Variants in THSD4 observed in about 807,000 individuals in gnomAD.
The protein encoded by THSD4 is thrombospondin type 1 domain containing 4.
Under a neutral mutation model 119.0 loss-of-function variants are expected in THSD4, and 69 were observed. That is an observed-to-expected ratio of 0.58 (90% confidence interval 0.48 to 0.71). The LOEUF is 0.71. THSD4 is among the 30% of genes least tolerant of loss of function. The probability of loss-of-function intolerance (pLI) is 0.00; values close to 1 mark genes in which losing one functional copy is unlikely to be tolerated. For missense variants in THSD4, 1,393 were observed against 1,391.1 expected, an observed-to-expected ratio of 1.00 and a Z score of -0.02; for synonymous variants, 524 against 540.4, an observed-to-expected ratio of 0.97 and a Z score of 0.42.
chr15:71,550,990 A>C (rs2048917909), intron 7 of THSD4, among the ~76,000 whole-genome samples: 2 of 152,138 alleles, frequency 1.3e-5, no homozygotes, highest in African/African-American at 4.8e-5. Flanking sequence ...CAGATTTTCC[A>C]TTTCTAAGAC....
At chr15:71,192,305 T>C (rs1053324529) in intron 3 of THSD4, among the ~76,000 whole-genome samples, 2 of 152,014 alleles carry the variant, frequency 1.3e-5, no homozygotes, top group African/African-American at 4.8e-5. Context: ...ATTTATTTAT[T>C]GAGATGAAGC....
chr15:71,708,807 C>T (rs1266947593), intron 8 of THSD4, among the ~76,000 whole-genome samples: 1 of 152,206 alleles, frequency 6.6e-6, no homozygotes, highest in Non-Finnish European at 1.5e-5. Context: ...TTTCTGTCAG[C>T]ACTTAAAGTG....
chr15:71,618,208 G>C (rs2140922528), intron 7 of THSD4, among the ~76,000 whole-genome samples: 1 of 152,302 alleles, frequency 6.6e-6, no homozygotes, highest in Middle Eastern at 3.4e-3. Flanking sequence ...ACCTTGTTTA[G>C]ATACAGAAAC....
intron 6 of THSD4, among the ~76,000 whole-genome samples, chr15:71,380,105 C>A (rs1255474299): frequency 2.0e-5 from 3 of 152,048 alleles, no homozygotes; most frequent in Non-Finnish European, 4.4e-5. Context: ...AAGGCAAATT[C>A]CAAAGTTAGG....
At chr15:71,320,995 T>C (rs947761981) in intron 6 of THSD4, among the ~76,000 whole-genome samples, 1 of 152,242 alleles carries the variant, frequency 6.6e-6, no homozygotes, top group African/African-American at 2.4e-5. Flanking sequence ...CAAGATAAGA[T>C]TCGTTTTGAA....
chr15:71,377,867 AACAC>A (rs376497737), intron 6 of THSD4, among the ~76,000 whole-genome samples: 17,243 of 85,880 alleles, frequency 0.2, 1,336 homozygotes, highest in South Asian at 0.27. Context: ...ACATATCCAC[AACAC>A]ACACACACAC....
intron 7 of THSD4, among the ~76,000 whole-genome samples, chr15:71,517,878 C>G (rs936970421): frequency 1.3e-5 from 2 of 152,186 alleles, no homozygotes; most frequent in African/African-American, 4.8e-5. Context: ...GGCCTGATGC[C>G]ACTTCTATTT....
At chr15:71,426,365 CTGTG>C (rs199965138) in intron 7 of THSD4, among the ~76,000 whole-genome samples, 5,028 of 102,354 alleles carry the variant, frequency 0.049, 172 homozygotes, top group South Asian at 0.19. Context: ...GTAAGTATAG[CTGTG>C]TGTGTGTGTG....
chr15:71,522,197 A>G (rs577925813), intron 7 of THSD4, among the ~76,000 whole-genome samples: 1 of 152,294 alleles, frequency 6.6e-6, no homozygotes, highest in African/African-American at 2.4e-5. Context: ...TTGAACTTCT[A>G]ATTCCTACTT....
At chr15:71,191,655 A>G (rs191489933) in intron 3 of THSD4, among the ~76,000 whole-genome samples, 1 of 152,228 alleles carries the variant, frequency 6.6e-6, no homozygotes, top group East Asian at 1.9e-4. Flanking sequence ...ATTCAAGCTC[A>G]TACTGAGCCC....
chr15:71,283,842 G>A (rs1390090734), intron 6 of THSD4, among the ~76,000 whole-genome samples: 1 of 152,180 alleles, frequency 6.6e-6, no homozygotes, highest in Non-Finnish European at 1.5e-5. Flanking sequence ...GGGTTTGGGG[G>A]CAAGGGGAAG....
intron 11 of THSD4, among the ~76,000 whole-genome samples, chr15:71,744,272 G>A (rs768564836): frequency 6.7e-6 from 1 of 148,672 alleles, no homozygotes; most frequent in Non-Finnish European, 1.5e-5. Flanking sequence ...ACCTAAAACA[G>A]TTATAAACAT....
At chr15:71,709,737 C>G (rs1050973948) in intron 8 of THSD4, among the ~76,000 whole-genome samples, 1 of 152,038 alleles carries the variant, frequency 6.6e-6, no homozygotes. Flanking sequence ...ATTAGCTTAT[C>G]TAAGGCATGG....
chr15:71,335,469 A>G (rs2045478338), intron 6 of THSD4, among the ~76,000 whole-genome samples: 2 of 152,212 alleles, frequency 1.3e-5, no homozygotes, highest in Non-Finnish European at 2.9e-5. Flanking sequence ...AATGACAAAT[A>G]TATTTAATAT....
intron 6 of THSD4, among the ~76,000 whole-genome samples, chr15:71,286,341 A>G (rs1298784569): frequency 1.3e-5 from 2 of 151,952 alleles, no homozygotes; most frequent in African/African-American, 4.8e-5. Flanking sequence ...GCCCCTGTGT[A>G]TGGTGTTCCC....
chr15:71,748,184 T>C (rs2053375953), intron 13 of THSD4, among the ~76,000 whole-genome samples: 1 of 152,172 alleles, frequency 6.6e-6, no homozygotes, highest in South Asian at 2.1e-4. Context: ...GCCCATTCAG[T>C]CAGCTGGGAG....
At chr15:71,341,425 T>A (rs2045573316) in intron 6 of THSD4, 3 of 1,612,888 alleles carry the variant, frequency 1.9e-6, no homozygotes, top group Middle Eastern at 1.9e-4. Context: ...TCTCTGCGTT[T>A]TTAAGCATGT....
At chr15:71,327,305 G>A (rs1380039048) in intron 6 of THSD4, among the ~76,000 whole-genome samples, 1 of 152,002 alleles carries the variant, frequency 6.6e-6, no homozygotes, top group Non-Finnish European at 1.5e-5. Flanking sequence ...ACACTGTCCT[G>A]CCACCGGCCT....
At chr15:71,319,543 C>A (rs955069704) in intron 6 of THSD4, among the ~76,000 whole-genome samples, 1 of 151,994 alleles carries the variant, frequency 6.6e-6, no homozygotes, top group Non-Finnish European at 1.5e-5. Context: ...ATGATGGTTT[C>A]CAGCTTCATC....
Sources: allele counts gnomAD v4.1 joint callset (sites outside exome capture counted in the v4.1 genomes callset), GRCh38; gene constraint gnomAD v4.1.1; transcripts MANE v1.5; gene names NCBI Gene and HGNC (gene_info 2026-07-23, HGNC 2026-07-21).